Variants in USP6NL observed in about 807,000 individuals in gnomAD.
USP6NL encodes USP6 N-terminal like.
A neutral mutation model predicts 61.9 loss-of-function variants in USP6NL; 26 were observed. That is an observed-to-expected ratio of 0.42 (90% CI 0.31 to 0.58). The LOEUF is 0.58. Ranked by LOEUF, USP6NL falls within the 20% of genes least tolerant of loss-of-function variation. The pLI is 0.16. For synonymous variants in USP6NL, 432 were observed against 390.1 expected (o/e 1.11, Z -1.27); for missense variants, 1,114 against 1,034.3 (o/e 1.08, Z -1.06).
chr10:11,571,244 C>G (rs543387729), intron 2 of USP6NL, among the ~76,000 whole-genome samples: 2 of 152,134 alleles, frequency 1.3e-5, no homozygotes, highest in South Asian at 4.2e-4. Context: ...CCACCACGCC[C>G]GGCTAATTTT....
chr10:11,519,671 A>G (rs1376722002), intron 4 of USP6NL, among the ~76,000 whole-genome samples: 1 of 152,176 alleles, frequency 6.6e-6, no homozygotes, highest in Non-Finnish European at 1.5e-5. Flanking sequence ...AGAATGCTTC[A>G]CTGTCAAAAT....
At chr10:11,579,124 T>C (rs928616512) in intron 2 of USP6NL, among the ~76,000 whole-genome samples, 6 of 152,232 alleles carry the variant, frequency 3.9e-5, no homozygotes, top group African/African-American at 9.7e-5. Context: ...GCATTTACTA[T>C]GTGCTAGGTA....
Position 11,463,352 on chromosome 10 carries a change from G to A in USP6NL, c.1576C>T (p.Arg526Trp), listed in dbSNP as rs781289702. The change falls in exon 15 of 15, where the codon CGG becomes TGG. Residue 526 changes from arginine to tryptophan, a missense_variant. Transcript: ENST00000609104. This position sits in a 1 kb window ranked among gnomAD's most constrained non-coding sequence, Gnocchi z 6.3. ...AVTVPGPAEVRVSNVRPKMKA... is the reference protein window; with the variant it reads ...AVTVPGPAEVWVSNVRPKMKA... ...ATCTTTGGCCGCACGTTTGACACCC[G>A]CACCTCGGCAGGACCTGGGACGGTA... 5.6e-6 allele frequency: 9 copies of A among 1,613,942 alleles called. No homozygotes were observed. Among genetic ancestry groups the A allele is most frequent in the Non-Finnish European group, 7.6e-6 (9 of 1,179,894 alleles).
intron 14 of USP6NL, among the ~76,000 whole-genome samples, chr10:11,464,573 C>T (rs889398763): frequency 1.3e-5 from 2 of 152,176 alleles, no homozygotes; most frequent in Non-Finnish European, 2.9e-5. Context: ...CTCCACTATA[C>T]CACCGTGGAG....
chr10:11,543,674 A>G (rs1431180912), intron 2 of USP6NL, among the ~76,000 whole-genome samples: 1 of 152,160 alleles, frequency 6.6e-6, no homozygotes, highest in African/African-American at 2.4e-5. Flanking sequence ...AGAAACTTGC[A>G]CAATCACGTT....
intron 2 of USP6NL, among the ~76,000 whole-genome samples, chr10:11,530,026 C>T (rs1034237808): frequency 4.1e-5 from 6 of 145,234 alleles, no homozygotes; most frequent in Admixed American, 7.1e-5. Context: ...CGCTTGAGGC[C>T]GGGAGGCAGA....
intron 2 of USP6NL, among the ~76,000 whole-genome samples, chr10:11,552,343 T>C (rs1265581290): frequency 3.3e-5 from 5 of 152,220 alleles, no homozygotes; most frequent in African/African-American, 4.8e-5. Context: ...AGTGCATGCC[T>C]CAAAAATGTG....
At chr10:11,582,858 C>T (rs1837829650) in intron 2 of USP6NL, among the ~76,000 whole-genome samples, 1 of 151,090 alleles carries the variant, frequency 6.6e-6, no homozygotes, top group Non-Finnish European at 1.5e-5. Context: ...ATGAGAAATT[C>T]TTAATCTACT....
chr10:11,526,354 C>T (rs1591888504), intron 3 of USP6NL, among the ~76,000 whole-genome samples: 1 of 152,122 alleles, frequency 6.6e-6, no homozygotes, highest in South Asian at 2.1e-4. Context: ...TGGGAGCATC[C>T]TGTAGGCAAG....
intron 2 of USP6NL, among the ~76,000 whole-genome samples, chr10:11,580,768 A>G (rs1380511395): frequency 6.6e-6 from 1 of 152,158 alleles, no homozygotes; most frequent in African/African-American, 2.4e-5. Context: ...GCTAACTATA[A>G]ATGACTATGT....
At chr10:11,504,795 T>C (rs1834365294) in intron 6 of USP6NL, among the ~76,000 whole-genome samples, 1 of 152,168 alleles carries the variant, frequency 6.6e-6, no homozygotes, top group Non-Finnish European at 1.5e-5. Context: ...GAATCCTTTA[T>C]CATAAAACAC....
Position 11,605,283 on chromosome 10 carries a change from G to A in USP6NL, c.-84+6160C>T, listed in dbSNP as rs930598740. On this transcript the variant is annotated intron_variant, in intron 1 of 14. Transcript: ENST00000609104. ...TGTCAGAGTACAGGATCCACCAAGG[G>A]AGCCATCTCTGCTTCAGAATAAGCA... Among the ~76,000 whole-genome samples, 31 of 152,258 alleles carry A rather than the reference G, an allele frequency of 2.0e-4. 1 individual carries two copies. The Middle Eastern group carries it at 0.017, about 84-fold the overall frequency.
chr10:11,518,478 T>C lies in USP6NL; in HGVS notation c.195+57A>G. On this transcript the variant is annotated intron_variant, in intron 5 of 14. Transcript: ENST00000609104. The surrounding 1 kb of genome is among the most constrained non-coding windows in gnomAD (Gnocchi z 5.3). ...AAAATCACAAAGGTGGTCAATTTTA[T>C]TCTTCTAATAAAGGCAATTCACCAG... 3 of 1,482,096 alleles carry C rather than the reference T, an allele frequency of 2.0e-6. No homozygotes were observed. The highest frequency in any genetic ancestry group is 2.8e-6 in the Non-Finnish European group (3 of 1,064,404). The allele number at this position is 1,482,096 out of a possible 1,614,324, so 91.8% of individuals were successfully genotyped here.
At chr10:11,479,683 C>A (rs1489239911) in intron 14 of USP6NL, among the ~76,000 whole-genome samples, 2 of 150,444 alleles carry the variant, frequency 1.3e-5, no homozygotes, top group Admixed American at 6.7e-5. Context: ...TCATGCCATT[C>A]TCCTGCCTCA....
chr10:11,586,739 G>A, intron 2 of USP6NL, among the ~76,000 whole-genome samples: 1 of 152,106 alleles, frequency 6.6e-6, no homozygotes, highest in Non-Finnish European at 1.5e-5. Context: ...AAATCGATTA[G>A]TTTAAATGAA....
intron 1 of USP6NL, among the ~76,000 whole-genome samples, chr10:11,606,784 T>C (rs1838717524): frequency 6.6e-6 from 1 of 151,846 alleles, no homozygotes; most frequent in African/African-American, 2.4e-5. Flanking sequence ...AGACAGATTT[T>C]GAAATTTTTT....
rs775767471 is a variant in USP6NL, at chr10:11,463,691, C to T, written c.1237G>A (p.Glu413Lys). The change falls in exon 15 of 15, where the codon GAG becomes AAG. Residue 413 changes from glutamate (E) to lysine (K), a missense_variant. Transcript: ENST00000609104. The surrounding 1 kb of genome is among the most constrained non-coding windows in gnomAD (Gnocchi z 6.3). ...RESGAPHRRH[E>K]HSPHPQSRTG... ...CTGCTCTGGGGGTGCGGGGAGTGCTCGTGCCTCCTGTGGGGCGCCCCGCTC... is the reference window on the plus strand; with the variant it reads ...CTGCTCTGGGGGTGCGGGGAGTGCTTGTGCCTCCTGTGGGGCGCCCCGCTC... The T allele has an allele frequency of 1.5e-5, 25 of 1,613,342 alleles. No homozygotes were observed. The Admixed American group carries it at 3.2e-4, about 20-fold the overall frequency.
chr10:11,538,924 C>T (rs1349727927), intron 2 of USP6NL, among the ~76,000 whole-genome samples: 1 of 152,234 alleles, frequency 6.6e-6, no homozygotes, highest in African/African-American at 2.4e-5. Flanking sequence ...ATCTCTCCTA[C>T]TCGCAGAGCT....
At chr10:11,483,182 G>C (rs564922257) in intron 13 of USP6NL, among the ~76,000 whole-genome samples, 2 of 152,142 alleles carry the variant, frequency 1.3e-5, no homozygotes, top group African/African-American at 2.4e-5. Context: ...GGAACTTCAC[G>C]TAAGTCTCTA....
Sources: gnomAD v4.1 joint callset for allele counts (sites outside exome capture counted in the v4.1 genomes callset) on GRCh38, gnomAD v4.1.1 for gene constraint, Gnocchi (gnomAD v3.1) non-coding constraint, MANE v1.5 for transcripts, NCBI Gene and HGNC (gene_info 2026-07-23, HGNC 2026-07-21) for gene names.